The following CALCRL variants were observed in gnomAD, a reference collection of about 807,000 sequenced individuals.
CALCRL encodes calcitonin gene-related peptide type 1 receptor.
CALCRL carries 27 observed loss-of-function variants against 60.4 expected under a neutral mutation model. The observed-to-expected ratio is 0.45, with a 90% CI of 0.33 to 0.62. The LOEUF is 0.62. CALCRL is among the 20% of genes least tolerant of loss of function. The pLI is 0.03. For synonymous variants in CALCRL, 190 were observed against 182.6 expected (o/e 1.04, Z -0.33); for missense variants, 424 against 540.7 (o/e 0.78, Z 2.14).
Position 187,346,089 on chromosome 2 carries a change from T to A in CALCRL, c.*95A>T, listed in dbSNP as rs911219681. 16 of 702,882 alleles carry A rather than the reference T, an allele frequency of 2.3e-5. No individual in the cohort carries two copies. The South Asian group carries it at 2.8e-4, about 12-fold the overall frequency. 43.5% of individuals were successfully genotyped at this position (702,882 alleles called of 1,614,324 possible). ...GCTCTTCTTTATGACATTCAAAAAG[T>A]CATTTAATATTGAAGTCTTCTGGCT... On this transcript the variant is annotated 3_prime_UTR_variant, in exon 15 of 15. Coordinates refer to ENST00000392370, the MANE Select transcript of CALCRL (RefSeq NM_005795.6).
chr2:187,390,266 A>G (rs1469638028), intron 1 of CALCRL, among the ~76,000 whole-genome samples: 2 of 152,172 alleles, frequency 1.3e-5, no homozygotes, highest in African/African-American at 4.8e-5. Flanking sequence ...TGTAGTACAT[A>G]TTTAAGATAT....
At chr2:187,370,550 A>T (rs547922144) in intron 8 of CALCRL, among the ~76,000 whole-genome samples, 2 of 152,304 alleles carry the variant, frequency 1.3e-5, no homozygotes, top group Non-Finnish European at 2.9e-5. Flanking sequence ...TATCAAATAT[A>T]TCTGTAGGAA....
At chr2:187,446,780 T>C (rs1691208504) in intron 1 of CALCRL, among the ~76,000 whole-genome samples, 1 of 151,746 alleles carries the variant, frequency 6.6e-6, no homozygotes, top group South Asian at 2.1e-4. Flanking sequence ...GAATCACAAA[T>C]CTAAGAATTA....
intron 10 of CALCRL, 114 bp from the exon 11 acceptor site, chr2:187,359,386 C>T (rs774010529): frequency 7.1e-5 from 47 of 665,492 alleles, no homozygotes; most frequent in African/African-American, 1.1e-4. Context: ...AAAAAACTAG[C>T]CACTATATAT....
intron 1 of CALCRL, among the ~76,000 whole-genome samples, chr2:187,418,859 C>CTT (rs369436031): frequency 1.7e-5 from 2 of 120,006 alleles, no homozygotes; most frequent in African/African-American, 6.2e-5. Context: ...TTCTTTTTTT[C>CTT]TTTTTTTTTT....
At chr2:187,397,255 C>T (rs1382867853) in intron 1 of CALCRL, among the ~76,000 whole-genome samples, 2 of 151,482 alleles carry the variant, frequency 1.3e-5, no homozygotes, top group Non-Finnish European at 3.0e-5. Flanking sequence ...TGGTCACATG[C>T]ATCTTGAGTT....
intron 1 of CALCRL, among the ~76,000 whole-genome samples, chr2:187,435,616 C>T (rs1348109840): frequency 6.6e-6 from 1 of 152,058 alleles, no homozygotes; most frequent in East Asian, 1.9e-4. Context: ...GTATAATTCC[C>T]TCCTAAGGAA....
At chr2:187,424,721 C>G (rs3771072) in intron 1 of CALCRL, among the ~76,000 whole-genome samples, 6,158 of 151,820 alleles carry the variant, frequency 0.041, 181 homozygotes, top group South Asian at 0.12. Context: ...GATTTGAAAC[C>G]GTGATAGGTA....
chr2:187,372,502 ACTGAAGTATAT>A lies in CALCRL; in HGVS notation c.500+6427_500+6437del, dbSNP rs987084744. Among the ~76,000 whole-genome samples, 41 of 152,188 alleles carry A rather than the reference ACTGAAGTATAT, an allele frequency of 2.7e-4. 1 individual carries two copies. Among genetic ancestry groups the A allele is most frequent in the Middle Eastern group, 3.4e-3 (1 of 294 alleles). The stretch of plus-strand genomic sequence containing the variant: ...TTCCTTTAATTGGCTCTAATATAAA[ACTGAAGTATAT>A]CTGGTGAATACTGTTTTGTGTTCTC... On this transcript the variant is annotated intron_variant, in intron 8 of 14. Transcript: ENST00000392370.
In CALCRL at chr2:187,407,296, T is replaced by G. The variant is rs544103522; in HGVS notation, c.-292-19540A>C. Among the ~76,000 whole-genome samples the G allele has an allele frequency of 5.3e-5, 8 of 152,242 alleles. No homozygotes were observed. In the East Asian group the frequency reaches 1.5e-3, roughly 29 times the overall value. The stretch of plus-strand genomic sequence containing the variant: ...AGTGATGATAATTAACATTGTTTTA[T>G]ACTTTACGAAGTCTGATCACAGTAA... On this transcript the variant is annotated intron_variant, in intron 1 of 14. Coordinates refer to ENST00000392370, the MANE Select transcript of CALCRL (RefSeq NM_005795.6).
chr2:187,396,624 T>G (rs1285358487), intron 1 of CALCRL, among the ~76,000 whole-genome samples: 1 of 151,772 alleles, frequency 6.6e-6, no homozygotes, highest in African/African-American at 2.4e-5. Flanking sequence ...AAGAAAATTA[T>G]TACATTTAAG....
At chr2:187,408,247 C>T (rs996991517) in intron 1 of CALCRL, among the ~76,000 whole-genome samples, 2 of 151,942 alleles carry the variant, frequency 1.3e-5, no homozygotes, top group Admixed American at 1.3e-4. Flanking sequence ...TTACAGTTTG[C>T]AACACAGTGC....
chr2:187,447,655 A>G (rs1049050696), intron 1 of CALCRL, among the ~76,000 whole-genome samples: 27 of 152,108 alleles, frequency 1.8e-4, no homozygotes, highest in Non-Finnish European at 3.1e-4. Context: ...AGCTGATAAC[A>G]TGGAAAGTTT....
chr2:187,399,515 T>C (rs1217432848), intron 1 of CALCRL, among the ~76,000 whole-genome samples: 2 of 151,466 alleles, frequency 1.3e-5, no homozygotes, highest in African/African-American at 4.8e-5. Flanking sequence ...ATATAAATTA[T>C]AAACTTTGTG....
At chr2:187,353,060 T>G (rs1686605032) in intron 12 of CALCRL, among the ~76,000 whole-genome samples, 1 of 151,938 alleles carries the variant, frequency 6.6e-6, no homozygotes, top group African/African-American at 2.4e-5. Flanking sequence ...ACATAAACCT[T>G]TGACACTCTA....
chr2:187,359,339 T>A, intron 10 of CALCRL, 67 bp from the exon 11 acceptor site: 1 of 1,127,508 alleles, frequency 8.9e-7, no homozygotes, highest in South Asian at 1.6e-5. Flanking sequence ...CAAAAATATG[T>A]AATTAAATAC....
At chr2:187,353,720 A>G (rs1686639745) in intron 12 of CALCRL, among the ~76,000 whole-genome samples, 1 of 151,990 alleles carries the variant, frequency 6.6e-6, no homozygotes, top group African/African-American at 2.4e-5. Context: ...TCATCCTAAT[A>G]TATTCCCTTC....
chr2:187,434,527 A>C (rs1163501476), intron 1 of CALCRL, among the ~76,000 whole-genome samples: 1 of 152,112 alleles, frequency 6.6e-6, no homozygotes, highest in Non-Finnish European at 1.5e-5. Flanking sequence ...TGGAAACCTC[A>C]TACACTGTTG....
chr2:187,414,891 A>AAAAAAAGGTAGTCTCTTTTTTTTT (rs1689534754), intron 1 of CALCRL, among the ~76,000 whole-genome samples: 3 of 1,698 alleles, frequency 1.8e-3, no homozygotes, highest in African/African-American at 4.5e-3. Context: ...TTTTTTTTTA[A>AAAAAAAGGTAGTCTCTTTTTTTTT]AAAAAAAAAG....
Sources: allele counts gnomAD v4.1 joint callset (sites outside exome capture counted in the v4.1 genomes callset), GRCh38; gene constraint gnomAD v4.1.1; transcripts MANE v1.5; gene names NCBI Gene and HGNC (gene_info 2026-07-23, HGNC 2026-07-21).